Variants in LEMD2 observed in about 807,000 individuals in gnomAD.
LEMD2 encodes LEM domain-containing protein 2.
In LEMD2, 34 loss-of-function variants were observed where a neutral mutation model predicts 58.8. The observed-to-expected ratio is 0.58, with a 90% CI of 0.44 to 0.77. The LOEUF is 0.77. Among genes scored for constraint, LEMD2 ranks in the 30% least tolerant of loss-of-function variants. The pLI is 0.00. For synonymous variants in LEMD2, 298 were observed against 308.9 expected, an observed-to-expected ratio of 0.96 and a Z score of 0.37; for missense variants, 629 against 717.9, an observed-to-expected ratio of 0.88 and a Z score of 1.42.
chr6:33,780,333 C>T (rs1026163705), intron 4 of LEMD2, 154 bp from the exon 5 acceptor site: 7 of 700,866 alleles, frequency 1.0e-5, no homozygotes, highest in Non-Finnish European at 7.7e-6. Context: ...GGAAGGAAAT[C>T]GGGGGTTGAT....
chr6:33,787,101 G>C (rs116407473), intron 1 of LEMD2: 1 of 329,032 alleles, frequency 3.0e-6, no homozygotes, highest in African/African-American at 2.1e-5. Flanking sequence ...TTAACTCAGG[G>C]AGTTAGGCCC....
chr6:33,777,199 A>G lies in LEMD2; in HGVS notation c.1197T>C (p.Tyr399=), dbSNP rs767830911. 2.4e-5 allele frequency: 39 copies of G among 1,613,962 alleles called. No homozygotes were observed. In the South Asian group the frequency reaches 3.5e-4, roughly 15 times the overall value. Residue 399 remains tyrosine, a synonymous_variant, in exon 7 of 9, where the codon TAT becomes TAC. Coordinates refer to ENST00000293760, the MANE Select transcript of LEMD2 (RefSeq NM_181336.4). ...CCTCCTCTTCTAACTTTCGCCACCGATATTTTAGGAGAATTAGGAGCCCCC... is the reference window on the plus strand; with the variant it reads ...CCTCCTCTTCTAACTTTCGCCACCGGTATTTTAGGAGAATTAGGAGCCCCC... ...FLWGLLILLK[Y]RWRKLEEEEQ...
At chr6:33,780,816 T>C (rs758799222) in intron 4 of LEMD2, among the ~76,000 whole-genome samples, 8 of 152,116 alleles carry the variant, frequency 5.3e-5, no homozygotes, top group Non-Finnish European at 7.4e-5. Flanking sequence ...GAGAAGCAGG[T>C]AACAGGCACA....
rs1007341568 is a variant in LEMD2, at chr6:33,788,611, G to A, written c.506C>T (p.Pro169Leu). Residue 169 changes from proline (P) to leucine (L), a missense_variant, in exon 1 of 9, where the codon CCG becomes CTG. By Grantham distance (98) the Pro-to-Leu change is moderately conservative. Transcript: ENST00000293760. ...ARRWWAASPA[P>L]ARLPSSLLGP... is the part of the protein sequence containing the mutation. ...GAGGAGGGAGGAAGGCAGCCGCGCCGGGGCGGGAGACGCTGCCCACCAGCG... is the reference window on the plus strand; with the variant it reads ...GAGGAGGGAGGAAGGCAGCCGCGCCAGGGCGGGAGACGCTGCCCACCAGCG... 1.4e-4 allele frequency: 178 copies of A among 1,274,852 alleles called. No individual in the cohort carries two copies. The highest frequency in any genetic ancestry group is 1.6e-4 in the Non-Finnish European group (164 of 1,014,568). 79.0% of individuals were successfully genotyped at this position (1,274,852 alleles called of 1,614,324 possible). A position where few individuals can be genotyped will look rare whatever the true frequency, so the allele number is the denominator to read the frequency against.
At position 33,773,239 on chromosome 6, in the gene LEMD2, G is replaced by A. The variant is rs532191005; in HGVS notation, c.1362-461C>T. On this transcript the variant is annotated intron_variant, in intron 8 of 8. Coordinates refer to ENST00000293760, the MANE Select transcript of LEMD2 (RefSeq NM_181336.4). ...GGATGGGATGAGCTAAGCATCAGAC[G>A]GGGGAGGCCAAGAAGCTGGAGCTGC... Among the ~76,000 whole-genome samples the A allele has an allele frequency of 4.6e-5, 7 of 152,256 alleles. No individual in the cohort carries two copies. The East Asian group carries it at 5.8e-4, about 13-fold the overall frequency.
At chr6:33,780,451 A>G (rs898111277) in intron 4 of LEMD2, among the ~76,000 whole-genome samples, 5 of 152,210 alleles carry the variant, frequency 3.3e-5, no homozygotes, top group Admixed American at 2.6e-4. Flanking sequence ...CGAGGATGGA[A>G]GCATCAGGCC....
At chr6:33,775,836 G>A (rs934829464) in intron 8 of LEMD2, among the ~76,000 whole-genome samples, 2 of 152,222 alleles carry the variant, frequency 1.3e-5, no homozygotes, top group African/African-American at 4.8e-5. Context: ...GAGTGAGTTT[G>A]CATCTGTGGA....
intron 8 of LEMD2, among the ~76,000 whole-genome samples, chr6:33,774,989 AAT>A (rs1582251764): frequency 6.6e-6 from 1 of 151,720 alleles, no homozygotes; most frequent in East Asian, 1.9e-4. Context: ...TGAATGAATG[AAT>A]GAATGATAGT....
At chr6:33,782,519 C>A (rs752114420) in intron 3 of LEMD2, among the ~76,000 whole-genome samples, 1 of 152,234 alleles carries the variant, frequency 6.6e-6, no homozygotes, top group Non-Finnish European at 1.5e-5. Context: ...GCCGCTTTGC[C>A]TTGTCCTTCC....
chr6:33,780,030 G>C, intron 5 of LEMD2, 70 bp downstream of exon 5: 1 of 1,307,844 alleles, frequency 7.6e-7, no homozygotes, highest in Non-Finnish European at 1.1e-6. Context: ...TTGGAGCACG[G>C]GTGTTAGCTG....
At position 33,788,984 on chromosome 6, in the gene LEMD2, G is replaced by C; in HGVS notation, c.133C>G (p.Arg45Gly). Residue 45 changes from arginine to glycine, a missense_variant, in exon 1 of 9, where the codon CGC becomes GGC. Around this residue, in one of 2 missense-constraint regions of LEMD2, gnomAD observed 386 missense variants for 381.1 expected, o/e 1.01. Coordinates refer to ENST00000293760, the MANE Select transcript of LEMD2 (RefSeq NM_181336.4). ...LRRLRGEARLRDEERLREEAR... is the reference protein window; with the variant it reads ...LRRLRGEARLGDEERLREEAR... ...TCCTCCCGCAGCCGCTCCTCGTCGC[G>C]CAGCCGGGCCTCGCCCCGCAGGCGG... 6.5e-7 allele frequency: 1 copy of C among 1,543,348 alleles called. No homozygotes were observed. The highest frequency in any genetic ancestry group is 8.7e-7 in the Non-Finnish European group (1 of 1,152,742).
At position 33,788,798 on chromosome 6, in the gene LEMD2, TA is replaced by T. The variant is rs1561929508; in HGVS notation, c.318del (p.Asp106GlufsTer10). The part of the protein sequence containing the change: ...SAYATPGAYG[D>X]IRPSAASWVG... ...ACCCAGGAAGCCGCGGAGGGCCGGATATCACCGTAGGCCCCAGGGGTCGCGT... is the reference window on the plus strand; with the variant it reads ...ACCCAGGAAGCCGCGGAGGGCCGGATTCACCGTAGGCCCCAGGGGTCGCGT... On this transcript the variant is annotated frameshift_variant, in exon 1 of 9. Coordinates refer to ENST00000293760, the MANE Select transcript of LEMD2 (RefSeq NM_181336.4). LOFTEE classifies it high-confidence loss of function. 1 of 1,452,416 alleles carries T rather than the reference TA, an allele frequency of 6.9e-7. No homozygotes were observed. The highest frequency in any genetic ancestry group is 9.1e-7 in the Non-Finnish European group (1 of 1,104,428). The allele number at this position is 1,452,416 out of a possible 1,614,324, so 90.0% of individuals were successfully genotyped here.
chr6:33,788,754 GGC>G lies in LEMD2; in HGVS notation c.361_362del (p.Ala121LeufsTer80). The G allele has an allele frequency of 6.9e-7, 1 of 1,448,942 alleles. No homozygotes were observed. The highest frequency in any genetic ancestry group is 9.1e-7 in the Non-Finnish European group (1 of 1,103,068). 89.8% of individuals were successfully genotyped at this position (1,448,942 alleles called of 1,614,324 possible). A position where few individuals can be genotyped will look rare whatever the true frequency, so the allele number is the denominator to read the frequency against. ...TGAGTTGCGCCGGGCGGGCAGGATA[GGC>G]GAGGCCGCGGCTCCCTACCCAGGAA... ...AASWVGSRGL[A>X]YPARPAQLRR... On this transcript the variant is annotated frameshift_variant, in exon 1 of 9. Transcript: ENST00000293760. LOFTEE classifies it high-confidence loss of function.
chr6:33,779,806 G>A (rs893928985), intron 5 of LEMD2: 1 of 315,174 alleles, frequency 3.2e-6, no homozygotes, highest in Non-Finnish European at 5.8e-6. Flanking sequence ...TGGTGTTGTT[G>A]ATGAATGAGA....
chr6:33,778,307 C>A lies in LEMD2; in HGVS notation c.1091G>T (p.Gly364Val). ...VCLESAHPRMGVGCRLSRALL... is the reference protein window; with the variant it reads ...VCLESAHPRMVVGCRLSRALL... ...GGCCCGGCTCAGGCGGCAGCCAACA[C>A]CCATGCGGGGGTGGGCAGATTCCAG... The change falls in exon 6 of 9, where the codon GGT (glycine) becomes GTT (valine). Residue 364 changes from glycine (G) to valine (V), a missense_variant. This residue lies in a region of LEMD2 where 243 missense variants were observed against 336.8 expected (regional missense o/e 0.72). Transcript: ENST00000293760. The surrounding 1 kb of genome is among the most constrained non-coding windows in gnomAD (Gnocchi z 4.7). The A allele has an allele frequency of 6.2e-7, 1 of 1,609,456 alleles. No individual in the cohort carries two copies. Among genetic ancestry groups the A allele is most frequent in the Non-Finnish European group, 8.5e-7 (1 of 1,177,434 alleles).
At chr6:33,776,879 G>A (rs1767441619) in intron 8 of LEMD2, 75 bp downstream of exon 8, 3 of 1,209,626 alleles carry the variant, frequency 2.5e-6, no homozygotes, top group Non-Finnish European at 3.6e-6. Flanking sequence ...GCAAGGCTCT[G>A]GGTTTCCTTC....
chr6:33,776,708 C>T, intron 8 of LEMD2: 1 of 533,300 alleles, frequency 1.9e-6, no homozygotes. Context: ...ACTGGTATCA[C>T]CACTGCCAGT....
chr6:33,784,463 G>T, intron 2 of LEMD2, 36 bp from the exon 3 acceptor site: 1 of 945,404 alleles, frequency 1.1e-6, no homozygotes, highest in East Asian at 2.6e-5. Flanking sequence ...AGCAAGGAGG[G>T]GTGGGTGGGA....
At chr6:33,779,812 T>G (rs1767523096) in intron 5 of LEMD2, 9 of 322,250 alleles carry the variant, frequency 2.8e-5, no homozygotes, top group Admixed American at 4.6e-5. Flanking sequence ...TGTTGATGAA[T>G]GAGAAAGGCA....
Sources: gnomAD v4.1 joint callset for allele counts (sites outside exome capture counted in the v4.1 genomes callset) on GRCh38, gnomAD v4.1.1 for gene constraint, gnomAD v4.1.1 regional missense constraint, Gnocchi (gnomAD v3.1) non-coding constraint, MANE v1.5 for transcripts, NCBI Gene and HGNC (gene_info 2026-07-23, HGNC 2026-07-21) for gene names.